The following BNC2 variants were observed in gnomAD, a reference collection of about 807,000 sequenced individuals.
BNC2 encodes the protein zinc finger protein basonuclin-2.
Under a neutral mutation model 76.3 loss-of-function variants are expected in BNC2, and 20 were observed. That is an observed-to-expected ratio of 0.26 (90% CI 0.18 to 0.38). The LOEUF is 0.38. BNC2 is among the 10% of genes least tolerant of loss of function. The pLI is 1.00. For synonymous variants in BNC2, 582 were observed against 514.8 expected (o/e 1.13, Z -1.77); for missense variants, 1,382 against 1,399.8 (o/e 0.99, Z 0.20).
rs1158728688 is a variant in BNC2, at chr9:16,485,109, C to T, written c.670-47585G>A. 6.4e-5 allele frequency among the ~76,000 whole-genome samples: 7 copies of T among 109,788 alleles called. No homozygotes were observed. The East Asian group carries it at 1.8e-3, about 29-fold the overall frequency. The allele number at this position is 109,788 out of a possible 152,430, so 72.0% of individuals were successfully genotyped here. A position where few individuals can be genotyped will look rare whatever the true frequency, so the allele number is the denominator to read the frequency against. ...ACACACACACACACAGAGACACACA[C>T]AGACACACACACACACACACACTAT... On this transcript the variant is annotated intron_variant, in intron 5 of 6. Coordinates refer to ENST00000380672, the MANE Select transcript of BNC2 (RefSeq NM_017637.6).
At chr9:16,815,906 C>T (rs914359935) in intron 1 of BNC2, among the ~76,000 whole-genome samples, 1 of 152,104 alleles carries the variant, frequency 6.6e-6, no homozygotes, top group African/African-American at 2.4e-5. Flanking sequence ...TCTAGCACAG[C>T]TGAATAATGC....
chr9:16,746,488 A>C (rs1176277286), intron 1 of BNC2, among the ~76,000 whole-genome samples: 3 of 151,830 alleles, frequency 2.0e-5, no homozygotes, highest in Non-Finnish European at 4.4e-5. Flanking sequence ...CTCAGCCTCC[A>C]GAGTTGCTGG....
At chr9:16,477,296 G>T (rs1383117113) in intron 5 of BNC2, among the ~76,000 whole-genome samples, 1 of 151,986 alleles carries the variant, frequency 6.6e-6, no homozygotes, top group Non-Finnish European at 1.5e-5. Context: ...TGCAGCTTCG[G>T]AATACTCTTT....
At chr9:16,837,927 TA>T (rs889978295) in intron 1 of BNC2, among the ~76,000 whole-genome samples, 28 of 145,032 alleles carry the variant, frequency 1.9e-4, no homozygotes, top group South Asian at 6.6e-4. Context: ...AAACTCTGTC[TA>T]AAAAAAAAAA....
intron 5 of BNC2, among the ~76,000 whole-genome samples, chr9:16,516,384 C>A (rs76668257): frequency 6.6e-6 from 1 of 150,822 alleles, no homozygotes; most frequent in African/African-American, 2.4e-5. Flanking sequence ...AAAAAAAAAA[C>A]TAACCACACT....
intron 1 of BNC2, chr9:16,775,480 A>C (rs1825941070): frequency 1.3e-5 from 2 of 152,292 alleles, no homozygotes; most frequent in African/African-American, 4.8e-5. Context: ...GAAACACTAC[A>C]GTCCCTGGTC....
chr9:16,615,494 A>G (rs1214337023), intron 3 of BNC2, among the ~76,000 whole-genome samples: 1 of 152,168 alleles, frequency 6.6e-6, no homozygotes, highest in Non-Finnish European at 1.5e-5. Context: ...AAGCAACTGT[A>G]TATCTGAAAA....
intron 1 of BNC2, among the ~76,000 whole-genome samples, chr9:16,765,813 G>A (rs1485463906): frequency 6.7e-6 from 1 of 149,576 alleles, no homozygotes; most frequent in East Asian, 2.0e-4. Context: ...CTGAGACGGA[G>A]TCTAGCTCTG....
intron 5 of BNC2, among the ~76,000 whole-genome samples, chr9:16,465,226 G>A (rs1007130526): frequency 5.3e-5 from 8 of 151,974 alleles, no homozygotes; most frequent in African/African-American, 9.7e-5. Context: ...ATCTGAGGTC[G>A]GCAGTTCAAG....
intron 5 of BNC2, among the ~76,000 whole-genome samples, chr9:16,473,725 T>C (rs1417566932): frequency 6.6e-6 from 1 of 152,020 alleles, no homozygotes; most frequent in East Asian, 1.9e-4. Flanking sequence ...TTACAAAAAT[T>C]AGCCGGGTGT....
chr9:16,418,928 T>C lies in BNC2; in HGVS notation c.*61A>G. 1.9e-6 allele frequency: 3 copies of C among 1,559,170 alleles called. No homozygotes were observed. Among genetic ancestry groups the C allele is most frequent in the East Asian group, 2.3e-5 (1 of 44,086 alleles). ...CAAGTACATAAGCGCACACTGACTA[T>C]GGCAGTTCAAACACGTAGGCCATCT... is the stretch of plus-strand genomic sequence containing the variant. On this transcript the variant is annotated 3_prime_UTR_variant, in exon 7 of 7. Coordinates refer to ENST00000380672, the MANE Select transcript of BNC2 (RefSeq NM_017637.6).
At chr9:16,428,948 A>G (rs1284921468) in intron 6 of BNC2, among the ~76,000 whole-genome samples, 2 of 152,182 alleles carry the variant, frequency 1.3e-5, no homozygotes, top group African/African-American at 2.4e-5. Flanking sequence ...CTTTCCTAAA[A>G]AGTATTCTTT....
chr9:16,784,124 A>G (rs1826219955), intron 1 of BNC2, among the ~76,000 whole-genome samples: 1 of 152,198 alleles, frequency 6.6e-6, no homozygotes, highest in South Asian at 2.1e-4. Flanking sequence ...AAACATGACT[A>G]TCTTCTTAGT....
intron 4 of BNC2, among the ~76,000 whole-genome samples, chr9:16,566,599 T>C (rs550330682): frequency 6.6e-6 from 1 of 152,268 alleles, no homozygotes; most frequent in East Asian, 1.9e-4. Context: ...CTAATATGGT[T>C]AAGAAAAAGA....
intron 4 of BNC2, among the ~76,000 whole-genome samples, chr9:16,578,989 A>G (rs1819559253): frequency 1.3e-5 from 2 of 152,142 alleles, no homozygotes; most frequent in Admixed American, 6.5e-5. Context: ...TCTTTTACCA[A>G]GAGAAAAAAA....
intron 3 of BNC2, among the ~76,000 whole-genome samples, chr9:16,649,913 T>A (rs1442503404): frequency 3.3e-5 from 5 of 152,182 alleles, no homozygotes; most frequent in Non-Finnish European, 2.9e-5. Context: ...GAGGCCTTCA[T>A]AAATCTTCTG....
intron 1 of BNC2, among the ~76,000 whole-genome samples, chr9:16,756,050 CT>C (rs1374963947): frequency 6.6e-6 from 1 of 152,144 alleles, no homozygotes; most frequent in African/African-American, 2.4e-5. Flanking sequence ...TCAGGTGTCT[CT>C]CATGAGATGT....
At chr9:16,845,882 G>A (rs1818968709) in intron 1 of BNC2, among the ~76,000 whole-genome samples, 1 of 152,052 alleles carries the variant, frequency 6.6e-6, no homozygotes, top group Non-Finnish European at 1.5e-5. Flanking sequence ...GGGCGCGGTG[G>A]CTCACGCCTG....
At chr9:16,571,747 A>T (rs1361446908) in intron 4 of BNC2, among the ~76,000 whole-genome samples, 1 of 151,368 alleles carries the variant, frequency 6.6e-6, no homozygotes, top group Non-Finnish European at 1.5e-5. Context: ...TTCAGTTTTG[A>T]CTGCCTGTGT....
Sources: allele counts gnomAD v4.1 joint callset (sites outside exome capture counted in the v4.1 genomes callset), GRCh38; gene constraint gnomAD v4.1.1; transcripts MANE v1.5; gene names NCBI Gene and HGNC (gene_info 2026-07-23, HGNC 2026-07-21).